IRAK1BP1: variants seen among roughly 807,000 people sequenced by gnomAD.
IRAK1BP1 encodes interleukin-1 receptor-associated kinase 1-binding protein 1.
IRAK1BP1 carries 24 observed loss-of-function variants against 28.0 expected under a neutral mutation model. The ratio of observed to expected loss-of-function variants is 0.86; its 90% CI spans 0.62 to 1.20. The LOEUF (loss-of-function observed/expected upper bound fraction) is 1.20, where lower values mean the gene tolerates loss of function less well. Ranked by LOEUF, IRAK1BP1 falls within the 50% of genes most tolerant of loss-of-function variation. The probability of loss-of-function intolerance (pLI) is 0.00; values close to 1 mark genes in which losing one functional copy is unlikely to be tolerated. For synonymous variants in IRAK1BP1, 131 were observed against 116.3 expected, an observed-to-expected ratio of 1.13 and a Z score of -0.81; for missense variants, 336 against 316.7, an observed-to-expected ratio of 1.06 and a Z score of -0.46.
intron 4 of IRAK1BP1, chr6:78,937,580 CAT>C (rs1773322301): frequency 6.6e-6 from 1 of 151,720 alleles, no homozygotes; most frequent in African/African-American, 2.4e-5. Context: ...AAATATTCCA[CAT>C]ACTTATTTAC....
At chr6:78,938,740 T>C (rs1032606937) in intron 4 of IRAK1BP1, 2 of 151,676 alleles carry the variant, frequency 1.3e-5, no homozygotes, top group African/African-American at 4.8e-5. Flanking sequence ...AAATTATTTT[T>C]CAACTGCAAA....
the IRAK1BP1 span, among the ~76,000 whole-genome samples, chr6:78,959,704 G>T: frequency 6.6e-6 from 1 of 152,110 alleles, no homozygotes; most frequent in Non-Finnish European, 1.5e-5. Flanking sequence ...ATTCATGTAA[G>T]TATTGTCTTT....
chr6:78,883,197 A>T (rs1040292157), intron 1 of IRAK1BP1, among the ~76,000 whole-genome samples: 2 of 152,140 alleles, frequency 1.3e-5, no homozygotes, highest in Non-Finnish European at 2.9e-5. Context: ...GGAGTTCAAG[A>T]TTACGGTGAG....
the IRAK1BP1 span, chr6:78,963,100 G>A: frequency 6.3e-7 from 1 of 1,590,800 alleles, no homozygotes. Flanking sequence ...TACTTACCTA[G>A]TGTCATCAAC....
the IRAK1BP1 span, among the ~76,000 whole-genome samples, chr6:78,962,268 C>T: frequency 6.6e-6 from 1 of 151,974 alleles, no homozygotes; most frequent in Non-Finnish European, 1.5e-5. Flanking sequence ...GGAAACAGAC[C>T]CAGAAGTTTT....
Position 78,917,084 on chromosome 6 carries a change from A to G in IRAK1BP1, c.*67+13974A>G, listed in dbSNP as rs181046437. Among the ~76,000 whole-genome samples the G allele has an allele frequency of 6.4e-4, 97 of 152,296 alleles. 1 individual carries two copies. In the South Asian group the frequency reaches 7.9e-3, roughly 12 times the overall value. The stretch of plus-strand genomic sequence containing the variant: ...GCAATGGTTCCTAAACAAAATGGAA[A>G]CTCAGAAATAACAGATCAAGATTTC... On this transcript the variant is annotated intron_variant and NMD_transcript_variant, in intron 4 of 4. Coordinates refer to the IRAK1BP1 transcript ENST00000606868.
At chr6:78,909,963 G>A (rs1204513763) in intron 4 of IRAK1BP1, among the ~76,000 whole-genome samples, 1 of 152,110 alleles carries the variant, frequency 6.6e-6, no homozygotes, top group African/African-American at 2.4e-5. Context: ...CAAAAATACA[G>A]GAAAAGGGTG....
chr6:78,956,306 G>C, the IRAK1BP1 span: 1 of 151,850 alleles, frequency 6.6e-6, no homozygotes, highest in African/African-American at 2.4e-5. Flanking sequence ...CCAATTAGTG[G>C]TCAAGGGCTG....
chr6:78,872,523 G>T (rs112171773), intron 1 of IRAK1BP1, among the ~76,000 whole-genome samples: 309 of 152,288 alleles, frequency 2.0e-3, no homozygotes, highest in Middle Eastern at 6.8e-3. Context: ...TTTGGAAGTT[G>T]TGGATTTGGG....
rs191811340 is a variant in IRAK1BP1, at chr6:78,902,072, A to G, written c.*3738A>G. 3.3e-5 allele frequency: 5 copies of G among 152,374 alleles called. No individual in the cohort carries two copies. Among genetic ancestry groups the G allele is most frequent in the African/African-American group, 1.2e-4 (5 of 41,596 alleles). The allele number at this position is 152,374 out of a possible 1,614,324, so 9.4% of individuals were successfully genotyped here. On this transcript the variant is annotated 3_prime_UTR_variant, in exon 4 of 4. Coordinates refer to ENST00000369940, the MANE Select transcript of IRAK1BP1 (RefSeq NM_001010844.4). ...TATTTATTCCAACAAAAAAAGACCT[A>G]TATAAATTAGTTTAAGCTAACATTT...
At chr6:78,941,115 T>C (rs1329552449) in intron 4 of IRAK1BP1, 4 of 1,614,002 alleles carry the variant, frequency 2.5e-6, no homozygotes, top group South Asian at 1.1e-5. Flanking sequence ...TCATCTCTGA[T>C]GGGATGCACA....
intron 2 of IRAK1BP1, among the ~76,000 whole-genome samples, chr6:78,896,810 AAG>A (rs896580561): frequency 7.0e-6 from 1 of 143,368 alleles, no homozygotes; most frequent in African/African-American, 2.6e-5. Flanking sequence ...GGAAAACAGA[AAG>A]AGACCCTGGC....
chr6:78,886,918 G>C (rs183421124), intron 2 of IRAK1BP1, among the ~76,000 whole-genome samples: 2 of 152,114 alleles, frequency 1.3e-5, no homozygotes, highest in Non-Finnish European at 2.9e-5. Context: ...ATTTTGTATA[G>C]GGATTCCAGG....
chr6:78,914,951 G>C (rs574707823), intron 4 of IRAK1BP1, among the ~76,000 whole-genome samples: 10 of 152,234 alleles, frequency 6.6e-5, no homozygotes, highest in Admixed American at 4.6e-4. Context: ...CTCCCGAGTA[G>C]CTGGGATTAT....
At chr6:78,889,275 C>T (rs939671193) in intron 2 of IRAK1BP1, among the ~76,000 whole-genome samples, 6 of 151,920 alleles carry the variant, frequency 3.9e-5, no homozygotes, top group African/African-American at 7.3e-5. Flanking sequence ...ATATTAAACT[C>T]AAGATGGGTT....
intron 4 of IRAK1BP1, among the ~76,000 whole-genome samples, chr6:78,918,054 T>A (rs1343167498): frequency 2.0e-5 from 3 of 152,198 alleles, no homozygotes; most frequent in African/African-American, 7.2e-5. Context: ...AACTTCATGA[T>A]AGGATCAAAA....
At chr6:78,869,717 T>C (rs1177044451) in intron 1 of IRAK1BP1, among the ~76,000 whole-genome samples, 1 of 152,228 alleles carries the variant, frequency 6.6e-6, no homozygotes, top group African/African-American at 2.4e-5. Flanking sequence ...TCACAAAGTC[T>C]GTATTCATTT....
the IRAK1BP1 span, chr6:78,969,755 C>G: frequency 4.0e-5 from 25 of 629,230 alleles, no homozygotes; most frequent in African/African-American, 4.7e-4. Flanking sequence ...ATCTTTTTCT[C>G]AATTATGAAA....
Position 78,867,751 on chromosome 6 carries a change from TC to T in IRAK1BP1, c.176del (p.Ser59Ter), listed in dbSNP as rs1770630543. The T allele has an allele frequency of 1.2e-6, 2 of 1,614,102 alleles. No homozygotes were observed. Among genetic ancestry groups the T allele is most frequent in the Non-Finnish European group, 1.7e-6 (2 of 1,180,004 alleles). On this transcript the variant is annotated frameshift_variant, in exon 1 of 4. Transcript: ENST00000369940. LOFTEE classifies it high-confidence loss of function. Reference sequence around the variant, plus strand: ...CCGCGAGGTGCAAGTAAGCGGCACCTCAGAAGTGTCTGCGGGCCCTGACCGG... The same window carrying T: ...CCGCGAGGTGCAAGTAAGCGGCACCTAGAAGTGTCTGCGGGCCCTGACCGG... ...ATREVQVSGT[S>X]EVSAGPDRAQ... is the part of the protein sequence containing the mutation.
Sources: gnomAD v4.1 joint callset for allele counts (sites outside exome capture counted in the v4.1 genomes callset) on GRCh38, gnomAD v4.1.1 for gene constraint, MANE v1.5 for transcripts, NCBI Gene and HGNC (gene_info 2026-07-23, HGNC 2026-07-21) for gene names.